The following MAP3K14 variants were observed in gnomAD, a reference collection of about 807,000 sequenced individuals.
The protein encoded by MAP3K14 is mitogen-activated protein kinase kinase kinase 14.
MAP3K14 carries 16 observed loss-of-function variants against 99.2 expected under a neutral mutation model. The observed-to-expected ratio is 0.16, with a 90% CI of 0.11 to 0.24. The LOEUF (loss-of-function observed/expected upper bound fraction) is 0.24, where lower values mean the gene tolerates loss of function less well. Among genes scored for constraint, MAP3K14 ranks in the 10% least tolerant of loss-of-function variants. The pLI, the probability that MAP3K14 is intolerant of heterozygous loss-of-function variation, is 1.00. For missense variants in MAP3K14, 784 were observed against 1,208.7 expected (o/e 0.65, Z 5.21); for synonymous variants, 462 against 492.4 (o/e 0.94, Z 0.82).
chr17:45,270,506 C>A lies in MAP3K14; in HGVS notation c.1879G>T (p.Ala627Ser). ...EIPPSCAPLTAQAIQEGLRKE... is the reference protein window; with the variant it reads ...EIPPSCAPLTSQAIQEGLRKE... Reference sequence around the variant, plus strand: ...CTCAGCCCCTCTTGGATGGCCTGGGCTGTGAGAGGGGCGCAGGAGGGTGGG... The same window carrying A: ...CTCAGCCCCTCTTGGATGGCCTGGGATGTGAGAGGGGCGCAGGAGGGTGGG... The change falls in exon 11 of 16, where the codon GCC becomes TCC. Residue 627 changes from alanine (A) to serine (S), a missense_variant. Physicochemically the swap from Ala to Ser is moderately conservative, Grantham distance 99. Around this residue, in one of 5 missense-constraint regions of MAP3K14, gnomAD observed 200 missense variants for 367.9 expected, o/e 0.54. Transcript: ENST00000344686. 6.2e-7 allele frequency: 1 copy of A among 1,602,642 alleles called. No individual in the cohort carries two copies. Among genetic ancestry groups the A allele is most frequent in the Non-Finnish European group, 8.5e-7 (1 of 1,175,490 alleles).
At chr17:45,310,005 T>A (rs2044460494) in intron 1 of MAP3K14, among the ~76,000 whole-genome samples, 2 of 146,630 alleles carry the variant, frequency 1.4e-5, no homozygotes, top group Admixed American at 6.8e-5. Context: ...TCCAATCAAC[T>A]CCCTTGGCCA....
At chr17:45,314,339 T>C (rs1437691396) in intron 1 of MAP3K14, among the ~76,000 whole-genome samples, 3 of 152,164 alleles carry the variant, frequency 2.0e-5, no homozygotes, top group African/African-American at 7.2e-5. Context: ...CACCCAGCTC[T>C]TGCAGATGCT....
chr17:45,313,722 A>G (rs2044504210), intron 1 of MAP3K14, among the ~76,000 whole-genome samples: 1 of 152,228 alleles, frequency 6.6e-6, no homozygotes, highest in Non-Finnish European at 1.5e-5. Flanking sequence ...TTAAAAATCA[A>G]TATCAATTAA....
intron 14 of MAP3K14, among the ~76,000 whole-genome samples, 193 bp from the exon 15 acceptor site, chr17:45,265,456 G>C (rs558299223): frequency 3.7e-4 from 57 of 152,210 alleles, no homozygotes; most frequent in Admixed American, 9.1e-4. Context: ...TTTTGTTTTT[G>C]AGACAGAGTC....
In MAP3K14 at chr17:45,267,443, T is replaced by C; in HGVS notation, c.2289A>G (p.Ala763=). 1.2e-6 allele frequency: 2 copies of C among 1,607,476 alleles called. No individual in the cohort carries two copies. The highest frequency in any genetic ancestry group is 1.7e-6 in the Non-Finnish European group (2 of 1,176,956). The part of the protein sequence containing the change: ...ARNPSSPERK[A]TVPEQELQQL... ...GCTGCAGTTCCTGCTCCGGGACGGT[T>C]GCTTTCCGCTCTGGTGAGCTGGGGT... Residue 763 remains alanine, a synonymous_variant, in exon 12 of 16, where the codon GCA becomes GCG. Coordinates refer to ENST00000344686, the MANE Select transcript of MAP3K14 (RefSeq NM_003954.5). This position sits in a 1 kb window ranked among gnomAD's most constrained non-coding sequence, Gnocchi z 5.1.
chr17:45,300,681 C>G (rs1293359159), intron 1 of MAP3K14, among the ~76,000 whole-genome samples: 1 of 152,158 alleles, frequency 6.6e-6, no homozygotes, highest in African/African-American at 2.4e-5. Flanking sequence ...CTTGTCTCCT[C>G]TATCCTCATC....
At chr17:45,295,900 C>CATAT in intron 1 of MAP3K14, among the ~76,000 whole-genome samples, 1 of 152,160 alleles carries the variant, frequency 6.6e-6, no homozygotes, top group Non-Finnish European at 1.5e-5. Flanking sequence ...GTTTCAGCAC[C>CATAT]ATATAGCCAA....
chr17:45,290,347 G>A, intron 2 of MAP3K14, 143 bp downstream of exon 2: 1 of 1,078,488 alleles, frequency 9.3e-7, no homozygotes, highest in Non-Finnish European at 1.3e-6. Flanking sequence ...ATGATTCTCG[G>A]CACAGACCTC....
At chr17:45,266,425 T>C (rs755259459) in intron 14 of MAP3K14, 112 bp downstream of exon 14, 10 of 1,396,086 alleles carry the variant, frequency 7.2e-6, no homozygotes, top group African/African-American at 2.9e-5. Context: ...CCAGGCGCCT[T>C]CCTCCCTCCC....
chr17:45,279,703 G>A (rs559295984), intron 6 of MAP3K14, among the ~76,000 whole-genome samples: 11 of 152,082 alleles, frequency 7.2e-5, no homozygotes, highest in Non-Finnish European at 1.0e-4. Context: ...GATTACAGAC[G>A]TGAGCCACCG....
chr17:45,296,025 A>G (rs189535131), intron 1 of MAP3K14, among the ~76,000 whole-genome samples: 3 of 152,352 alleles, frequency 2.0e-5, no homozygotes, highest in East Asian at 3.9e-4. Context: ...ACAAGGGGCC[A>G]AGGCAAATCC....
chr17:45,303,510 G>A (rs1020089646), intron 1 of MAP3K14, among the ~76,000 whole-genome samples: 3 of 152,100 alleles, frequency 2.0e-5, no homozygotes, highest in Admixed American at 6.6e-5. Flanking sequence ...GTAATGAGCC[G>A]AGATTGCACC....
chr17:45,276,831 T>C (rs1055376111), intron 6 of MAP3K14, among the ~76,000 whole-genome samples: 1 of 131,152 alleles, frequency 7.6e-6, no homozygotes, highest in Non-Finnish European at 1.6e-5. Flanking sequence ...TTCTTTTTTT[T>C]TTTTTTTTTT....
At chr17:45,289,941 G>A (rs572247387) in intron 2 of MAP3K14, among the ~76,000 whole-genome samples, 2 of 152,306 alleles carry the variant, frequency 1.3e-5, no homozygotes, top group South Asian at 4.1e-4. Flanking sequence ...TGTCTCCAAG[G>A]GAAGCCACCA....
At chr17:45,265,933 T>A (rs1390692337) in intron 14 of MAP3K14, among the ~76,000 whole-genome samples, 1 of 152,260 alleles carries the variant, frequency 6.6e-6, no homozygotes, top group Non-Finnish European at 1.5e-5. Flanking sequence ...CAAGGATTCT[T>A]AAATTAGATT....
chr17:45,315,793 G>C (rs1163796622), intron 1 of MAP3K14, among the ~76,000 whole-genome samples: 1 of 151,974 alleles, frequency 6.6e-6, no homozygotes, highest in African/African-American at 2.4e-5. Flanking sequence ...CAGGTGCCTC[G>C]CCCATAAAAC....
At position 45,286,828 on chromosome 17, in the gene MAP3K14, G is replaced by A; in HGVS notation, c.755C>T (p.Pro252Leu). ...ATAGGGGAAGGGGTGCGTGGGCAGGGGCAGGGGGCCTCCGTCCTGGGGGTG... is the reference window on the plus strand; with the variant it reads ...ATAGGGGAAGGGGTGCGTGGGCAGGAGCAGGGGGCCTCCGTCCTGGGGGTG... ...LHHPQDGGPL[P>L]LPTHPFPYSR... The change falls in exon 5 of 16, where the codon CCC becomes CTC. Residue 252 changes from proline (P) to leucine (L), a missense_variant. By Grantham distance (98) the Pro-to-Leu change is moderately conservative. Transcript: ENST00000344686. This position sits in a 1 kb window ranked among gnomAD's most constrained non-coding sequence, Gnocchi z 4.1. 6.2e-7 allele frequency: 1 copy of A among 1,613,804 alleles called. No individual in the cohort carries two copies. Among genetic ancestry groups the A allele is most frequent in the Non-Finnish European group, 8.5e-7 (1 of 1,179,828 alleles).
In MAP3K14 at chr17:45,263,480, T is replaced by C. The variant is rs1247616518; in HGVS notation, c.*1156A>G. ...ATTCTTAGAGAAATCTGGAAGAGGT[T>C]TGAGGAGTCACATGCATGTGGACAG... On this transcript the variant is annotated 3_prime_UTR_variant, in exon 16 of 16. Transcript: ENST00000344686. 1.3e-5 allele frequency: 2 copies of C among 152,986 alleles called. No homozygotes were observed. Among genetic ancestry groups the C allele is most frequent in the African/African-American group, 2.4e-5 (1 of 41,450 alleles). 9.5% of individuals were successfully genotyped at this position (152,986 alleles called of 1,614,324 possible).
At chr17:45,289,689 A>G (rs929893304) in intron 2 of MAP3K14, among the ~76,000 whole-genome samples, 11 of 152,348 alleles carry the variant, frequency 7.2e-5, no homozygotes, top group Admixed American at 6.5e-4. Flanking sequence ...ATAAGTGTGG[A>G]TATATGTGTA....
Sources: allele counts gnomAD v4.1 joint callset (sites outside exome capture counted in the v4.1 genomes callset), GRCh38; gene constraint gnomAD v4.1.1; regional missense constraint gnomAD v4.1.1; non-coding constraint Gnocchi (gnomAD v3.1); transcripts MANE v1.5; gene names NCBI Gene and HGNC (gene_info 2026-07-23, HGNC 2026-07-21).